Variants in KIRREL3 observed in about 807,000 individuals in gnomAD.
The protein encoded by KIRREL3 is kin of IRRE-like protein 3.
Under a neutral mutation model 89.7 loss-of-function variants are expected in KIRREL3, and 36 were observed. The ratio of observed to expected loss-of-function variants is 0.40; its 90% confidence interval spans 0.31 to 0.53. The LOEUF (loss-of-function observed/expected upper bound fraction) is 0.53. Ranked by LOEUF, KIRREL3 falls within the 20% of genes least tolerant of loss-of-function variation. The pLI, the probability that KIRREL3 is intolerant of heterozygous loss-of-function variation, is 0.49. For synonymous variants in KIRREL3, 445 were observed against 441.4 expected (o/e 1.01, Z -0.10); for missense variants, 864 against 1,056.6 (o/e 0.82, Z 2.53).
chr11:126,480,675 A>AG (rs1467938861), intron 4 of KIRREL3, among the ~76,000 whole-genome samples: 3 of 152,156 alleles, frequency 2.0e-5, no homozygotes, highest in Non-Finnish European at 4.4e-5. Flanking sequence ...TGCCTGTCCC[A>AG]GGGGGCATTC....
chr11:126,777,398 T>A (rs1950198915), intron 1 of KIRREL3, among the ~76,000 whole-genome samples: 1 of 151,946 alleles, frequency 6.6e-6, no homozygotes, highest in Admixed American at 6.6e-5. Context: ...ATGAAGGCAA[T>A]GGCAAGAGAT....
chr11:126,551,838 G>T lies in KIRREL3; in HGVS notation c.133+10997C>A, dbSNP rs562516704. On this transcript the variant is annotated intron_variant, in intron 2 of 16. Transcript: ENST00000525144. The surrounding 1 kb of genome is among the most constrained non-coding windows in gnomAD (Gnocchi z 4.9). ...TTTTTGTATTTTTAGTAGAGATGGGGTTTCACCATGTTAGTCAGGCTGGTC... is the reference window on the plus strand; with the variant it reads ...TTTTTGTATTTTTAGTAGAGATGGGTTTTCACCATGTTAGTCAGGCTGGTC... Among the ~76,000 whole-genome samples the T allele has an allele frequency of 1.3e-5, 2 of 152,248 alleles. No homozygotes were observed. Among genetic ancestry groups the T allele is most frequent in the East Asian group, 3.9e-4 (2 of 5,172 alleles).
Position 126,844,449 on chromosome 11 carries a change from G to A in KIRREL3, c.55+156006C>T, listed in dbSNP as rs1463116473. ...ACCTCCAACCCAAAGGAAATAGACT[G>A]CAGCACTGATTGGCAGATTTTGGGT... On this transcript the variant is annotated intron_variant, in intron 1 of 16. Coordinates refer to ENST00000525144, the MANE Select transcript of KIRREL3 (RefSeq NM_032531.4). The surrounding 1 kb of genome is among the most constrained non-coding windows in gnomAD (Gnocchi z 4.8). 6.6e-6 allele frequency among the ~76,000 whole-genome samples: 1 copy of A among 152,162 alleles called. No individual in the cohort carries two copies. The highest frequency in any genetic ancestry group is 6.5e-5 in the Admixed American group (1 of 15,284).
rs1373848411 is a variant in KIRREL3 at position 126,783,493 on chromosome 11, T to C, written c.55+216962A>G. 6.6e-6 allele frequency among the ~76,000 whole-genome samples: 1 copy of C among 152,176 alleles called. No individual in the cohort carries two copies. The highest frequency in any genetic ancestry group is 1.5e-5 in the Non-Finnish European group (1 of 68,030). On this transcript the variant is annotated intron_variant, in intron 1 of 16. Transcript: ENST00000525144. This position sits in a 1 kb window ranked among gnomAD's most constrained non-coding sequence, Gnocchi z 4.3. Reference sequence around the variant, plus strand: ...GGAGGACACAATCCAACACATAACATATTCTCTTCCAAAAAAGCCACACTA... The same window carrying C: ...GGAGGACACAATCCAACACATAACACATTCTCTTCCAAAAAAGCCACACTA...
rs988114080 is a variant in KIRREL3 at position 126,663,031 on chromosome 11, GC to G, written c.56-100120del. Reference sequence around the variant, plus strand: ...CTTCTGGCAGAAATACTATGGAAGAGCAGATGTCAGTGATACTGCCCGATCT... The same window carrying G: ...CTTCTGGCAGAAATACTATGGAAGAGAGATGTCAGTGATACTGCCCGATCT... On this transcript the variant is annotated intron_variant, in intron 1 of 16. Coordinates refer to ENST00000525144, the MANE Select transcript of KIRREL3 (RefSeq NM_032531.4). 5.4e-5 allele frequency among the ~76,000 whole-genome samples: 8 copies of G among 149,056 alleles called. No homozygotes were observed. The Admixed American group carries it at 5.5e-4, about 10-fold the overall frequency.
chr11:126,655,847 C>G lies in KIRREL3; in HGVS notation c.56-92935G>C, dbSNP rs1945111445. ...CAATAGCAAGACAGCAGGGCAGCAA[C>G]AGTCAGTTCTTGTCTGGCTTTCCAG... On this transcript the variant is annotated intron_variant, in intron 1 of 16. Coordinates refer to ENST00000525144, the MANE Select transcript of KIRREL3 (RefSeq NM_032531.4). The surrounding 1 kb of genome is among the most constrained non-coding windows in gnomAD (Gnocchi z 5.0). Among the ~76,000 whole-genome samples the G allele has an allele frequency of 6.6e-6, 1 of 152,210 alleles. No individual in the cohort carries two copies. Among genetic ancestry groups the G allele is most frequent in the African/African-American group, 2.4e-5 (1 of 41,450 alleles).
At chr11:126,444,579 C>T (rs935651349) in intron 10 of KIRREL3, among the ~76,000 whole-genome samples, 3 of 152,130 alleles carry the variant, frequency 2.0e-5, no homozygotes, top group Non-Finnish European at 2.9e-5. Flanking sequence ...GACAACAGAG[C>T]GAGACTCCAT....
rs1320741788 is a variant in KIRREL3, at chr11:126,687,499, T to C, written c.56-124587A>G. 6.6e-6 allele frequency among the ~76,000 whole-genome samples: 1 copy of C among 152,204 alleles called. No individual in the cohort carries two copies. The highest frequency in any genetic ancestry group is 1.5e-5 in the Non-Finnish European group (1 of 68,036). On this transcript the variant is annotated intron_variant, in intron 1 of 16. Coordinates refer to ENST00000525144, the MANE Select transcript of KIRREL3 (RefSeq NM_032531.4). The surrounding 1 kb of genome is among the most constrained non-coding windows in gnomAD (Gnocchi z 4.6). Reference sequence around the variant, plus strand: ...ACACCAAAACCTCTAGATATTCCCATGGAGCTGCTAGTTCTGGAAACACTA... The same window carrying C: ...ACACCAAAACCTCTAGATATTCCCACGGAGCTGCTAGTTCTGGAAACACTA...
intron 1 of KIRREL3, among the ~76,000 whole-genome samples, chr11:126,798,389 A>G (rs979536774): frequency 1.3e-5 from 2 of 152,102 alleles, no homozygotes; most frequent in Admixed American, 6.5e-5. Context: ...TTGAGTATCC[A>G]GTGGATGGCA....
At chr11:126,949,340 C>T (rs778639891) in intron 1 of KIRREL3, among the ~76,000 whole-genome samples, 22 of 152,184 alleles carry the variant, frequency 1.4e-4, no homozygotes, top group Non-Finnish European at 2.4e-4. Flanking sequence ...AAAGAAGCAG[C>T]AGAATGACTC....
chr11:126,536,584 C>G (rs1448095663), intron 2 of KIRREL3, among the ~76,000 whole-genome samples: 2 of 150,806 alleles, frequency 1.3e-5, no homozygotes, highest in Non-Finnish European at 2.9e-5. Context: ...CAGACTCTGC[C>G]CTGGAGCCTG....
Position 126,869,932 on chromosome 11 carries a change from G to C in KIRREL3, c.55+130523C>G, listed in dbSNP as rs567427624. On this transcript the variant is annotated intron_variant, in intron 1 of 16. Transcript: ENST00000525144. The stretch of plus-strand genomic sequence containing the variant: ...TTCCCAAGGCCACAGTGGTTCACTA[G>C]AACCTTGTAATGGGTTCATTATTTA... Among the ~76,000 whole-genome samples, 24 of 152,306 alleles carry C rather than the reference G, an allele frequency of 1.6e-4. No homozygotes were observed. The South Asian group carries it at 4.8e-3, about 30-fold the overall frequency.
chr11:126,537,216 G>T lies in KIRREL3; in HGVS notation c.134-10529C>A, dbSNP rs1052680324. On this transcript the variant is annotated intron_variant, in intron 2 of 16. Coordinates refer to ENST00000525144, the MANE Select transcript of KIRREL3 (RefSeq NM_032531.4). The surrounding 1 kb of genome is among the most constrained non-coding windows in gnomAD (Gnocchi z 4.3). ...TGCTGACACATGCACACACCCGCCTGCATGCCTGTGAGTGTGGGCAGCCCA... is the reference window on the plus strand; with the variant it reads ...TGCTGACACATGCACACACCCGCCTTCATGCCTGTGAGTGTGGGCAGCCCA... 4.7e-4 allele frequency among the ~76,000 whole-genome samples: 72 copies of T among 152,178 alleles called. 1 individual carries two copies. Among genetic ancestry groups the T allele is most frequent in the African/African-American group, 1.6e-3 (65 of 41,426 alleles).
intron 1 of KIRREL3, among the ~76,000 whole-genome samples, chr11:126,629,209 G>T (rs1220807251): frequency 6.6e-6 from 1 of 152,106 alleles, no homozygotes; most frequent in African/African-American, 2.4e-5. Context: ...TCTTCAGCTG[G>T]GCGCGCTGTG....
chr11:126,968,216 T>C (rs1949329923), intron 1 of KIRREL3, among the ~76,000 whole-genome samples: 1 of 152,232 alleles, frequency 6.6e-6, no homozygotes, highest in Non-Finnish European at 1.5e-5. Flanking sequence ...AACATGCTTC[T>C]GTATTTTTTT....
intron 1 of KIRREL3, among the ~76,000 whole-genome samples, chr11:126,654,322 A>G (rs1490105439): frequency 1.3e-5 from 2 of 148,688 alleles, no homozygotes; most frequent in Non-Finnish European, 3.0e-5. Context: ...TGGATCTAGG[A>G]TACCTAAACT....
intron 1 of KIRREL3, among the ~76,000 whole-genome samples, chr11:126,871,289 C>T (rs1223897680): frequency 6.6e-6 from 1 of 152,124 alleles, no homozygotes; most frequent in African/African-American, 2.4e-5. Flanking sequence ...GAGGGACATG[C>T]AGGACCACCT....
At chr11:126,657,890 A>C (rs140809042) in intron 1 of KIRREL3, among the ~76,000 whole-genome samples, 261 of 152,344 alleles carry the variant, frequency 1.7e-3, no homozygotes, top group African/African-American at 5.8e-3. Context: ...AGAGACAAGA[A>C]GGTAATTTGA....
At chr11:126,613,891 TTTA>T in intron 1 of KIRREL3, among the ~76,000 whole-genome samples, 1 of 124,720 alleles carries the variant, frequency 8.0e-6, no homozygotes, top group Non-Finnish European at 1.7e-5. Flanking sequence ...TTTTTTTTTT[TTTA>T]TTTTTTTCCC....
Sources: gnomAD v4.1 joint callset for allele counts (sites outside exome capture counted in the v4.1 genomes callset) on GRCh38, gnomAD v4.1.1 for gene constraint, Gnocchi (gnomAD v3.1) non-coding constraint, MANE v1.5 for transcripts, NCBI Gene and HGNC (gene_info 2026-07-23, HGNC 2026-07-21) for gene names.